Variants in SIDT1 observed in about 807,000 individuals in gnomAD.
SIDT1 encodes SID1 transmembrane family member 1.
Under a neutral mutation model 107.5 loss-of-function variants are expected in SIDT1, and 101 were observed. That is an observed-to-expected ratio of 0.94 (90% CI 0.80 to 1.11). The LOEUF is 1.11. Ranked by LOEUF, SIDT1 falls within the 50% of genes least tolerant of loss-of-function variation. The pLI, the probability that SIDT1 is intolerant of heterozygous loss-of-function variation, is 0.00. For missense variants in SIDT1, 1,076 were observed against 1,058.2 expected (o/e 1.02, Z -0.23); for synonymous variants, 395 against 398.2 (o/e 0.99, Z 0.10).
At position 113,558,751 on chromosome 3, in the gene SIDT1, TTG is replaced by T. The variant is rs141860443; in HGVS notation, c.223-7665_223-7664del. 1.2e-3 allele frequency among the ~76,000 whole-genome samples: 180 copies of T among 152,340 alleles called. 1 individual carries two copies. The highest frequency in any genetic ancestry group is 4.2e-3 in the African/African-American group (173 of 41,576). ...ATTGTTTGTTTCCAACCCAGGAGAC[TTG>T]TGTCTTCTCCCAGTATCGATGACGC... is the stretch of plus-strand genomic sequence containing the variant. On this transcript the variant is annotated intron_variant, in intron 1 of 24. Coordinates refer to ENST00000264852, the MANE Select transcript of SIDT1 (RefSeq NM_017699.3).
chr3:113,536,777 G>T (rs1303689949), intron 1 of SIDT1, among the ~76,000 whole-genome samples: 3 of 152,262 alleles, frequency 2.0e-5, no homozygotes, highest in Non-Finnish European at 4.4e-5. Flanking sequence ...TGGAATGACT[G>T]CTTCAAATAA....
chr3:113,548,118 A>C (rs958893319), intron 1 of SIDT1, among the ~76,000 whole-genome samples: 1 of 152,068 alleles, frequency 6.6e-6, no homozygotes, highest in African/African-American at 2.4e-5. Context: ...AAGTATTTTG[A>C]CTTAATTTGC....
At chr3:113,563,949 T>A (rs779055157) in intron 1 of SIDT1, among the ~76,000 whole-genome samples, 2 of 152,136 alleles carry the variant, frequency 1.3e-5, no homozygotes, top group Non-Finnish European at 2.9e-5. Context: ...TTCTTTTTTT[T>A]TTGTTTTGTT....
intron 23 of SIDT1, 108 bp downstream of exon 23, chr3:113,623,841 T>C: frequency 1.4e-6 from 1 of 724,324 alleles, no homozygotes. Context: ...AAAATGAAAG[T>C]TTTCTCTACC....
chr3:113,534,624 C>T (rs965806235), intron 1 of SIDT1, among the ~76,000 whole-genome samples: 4 of 152,200 alleles, frequency 2.6e-5, no homozygotes, highest in Admixed American at 2.0e-4. Flanking sequence ...GACTGGTTGA[C>T]ATGTTGCACG....
At position 113,566,433 on chromosome 3, in the gene SIDT1, G is replaced by C; in HGVS notation, c.236G>C (p.Arg79Thr). The C allele has an allele frequency of 6.2e-7, 1 of 1,614,106 alleles. No individual in the cohort carries two copies. Among genetic ancestry groups the C allele is most frequent in the East Asian group, 2.2e-5 (1 of 44,884 alleles). The part of the protein sequence containing the change: ...TSQPDQVTAV[R>T]VYVNSSSENL... Reference sequence around the variant, plus strand: ...CCTGCCATGCAGGTGACAGCCGTGAGGGTGTATGTGAACAGTTCCTCTGAG... The same window carrying C: ...CCTGCCATGCAGGTGACAGCCGTGACGGTGTATGTGAACAGTTCCTCTGAG... The change falls in exon 2 of 25, where the codon AGG (arginine) becomes ACG (threonine). Residue 79 changes from arginine (R) to threonine (T), a missense_variant. Physicochemically the swap from Arg to Thr is moderately conservative, Grantham distance 71. Transcript: ENST00000264852.
chr3:113,622,594 T>C (rs1946544650), intron 21 of SIDT1, among the ~76,000 whole-genome samples: 1 of 151,972 alleles, frequency 6.6e-6, no homozygotes, highest in African/African-American at 2.4e-5. Context: ...CAAAATTAAC[T>C]TTAGCATTAA....
chr3:113,583,312 C>T (rs988037704), intron 6 of SIDT1, 97 bp from the exon 7 acceptor site: 1 of 826,562 alleles, frequency 1.2e-6, no homozygotes, highest in Non-Finnish European at 1.9e-6. Context: ...CTTTATTTTC[C>T]TTCTCTTTCC....
At chr3:113,624,877 T>G (rs1946737136) in intron 23 of SIDT1, among the ~76,000 whole-genome samples, 1 of 152,234 alleles carries the variant, frequency 6.6e-6, no homozygotes, top group Non-Finnish European at 1.5e-5. Flanking sequence ...TTTTATTCTT[T>G]TTTATGGCTG....
chr3:113,627,324 C>A (rs1946924408), intron 24 of SIDT1, among the ~76,000 whole-genome samples: 1 of 152,190 alleles, frequency 6.6e-6, no homozygotes, highest in Non-Finnish European at 1.5e-5. Flanking sequence ...ATATTTTACT[C>A]ATGTATTTGT....
Position 113,581,420 on chromosome 3 carries a change from C to G in SIDT1, c.723C>G (p.Thr241=), listed in dbSNP as rs1576840859. 6.2e-7 allele frequency: 1 copy of G among 1,613,958 alleles called. No homozygotes were observed. The highest frequency in any genetic ancestry group is 2.2e-5 in the East Asian group (1 of 44,866). Residue 241 remains threonine, a synonymous_variant, in exon 6 of 25, where the codon ACC becomes ACG. Transcript: ENST00000264852. ...VEFNGVYQSM[T]KKAAITLQKK... is the part of the protein sequence containing the mutation. ...TTAATGGTGTCTATCAGTCCATGACCAAGAAAGCTGCCATCACGCTACAGG... is the reference window on the plus strand; with the variant it reads ...TTAATGGTGTCTATCAGTCCATGACGAAGAAAGCTGCCATCACGCTACAGG...
intron 1 of SIDT1, among the ~76,000 whole-genome samples, chr3:113,545,965 A>G (rs1326930901): frequency 2.6e-5 from 4 of 152,244 alleles, no homozygotes; most frequent in African/African-American, 9.6e-5. Context: ...GGAGATTTTA[A>G]TGCTGTCTTC....
At position 113,604,770 on chromosome 3, in the gene SIDT1, A is replaced by G. The variant is rs73854501; in HGVS notation, c.1338-140A>G. ...AGGGGAGAGGACAACTGGAGAAACA[A>G]GAACCACATAATCAGCTTCTGGTTA... On this transcript the variant is annotated intron_variant, in intron 13 of 24. Coordinates refer to ENST00000264852, the MANE Select transcript of SIDT1 (RefSeq NM_017699.3). 3.4e-3 allele frequency: 2,924 copies of G among 869,406 alleles called. 60 individuals carry two copies. The African/African-American group carries it at 0.043, about 13-fold the overall frequency. The allele number at this position is 869,406 out of a possible 1,614,324, so 53.9% of individuals were successfully genotyped here. A position where few individuals can be genotyped will look rare whatever the true frequency, so the allele number is the denominator to read the frequency against.
At chr3:113,571,387 A>T (rs574325369) in intron 3 of SIDT1, among the ~76,000 whole-genome samples, 2 of 152,314 alleles carry the variant, frequency 1.3e-5, no homozygotes, top group South Asian at 4.1e-4. Flanking sequence ...ACTGCACTCT[A>T]GGCTGAGCAA....
intron 2 of SIDT1, among the ~76,000 whole-genome samples, chr3:113,566,777 A>G (rs562308719): frequency 2.4e-4 from 36 of 152,168 alleles, no homozygotes; most frequent in Non-Finnish European, 5.1e-4. Context: ...TTACCATTTT[A>G]AAAACATACC....
intron 21 of SIDT1, 22 bp downstream of exon 21, chr3:113,619,748 T>C (rs1266999225): frequency 6.2e-7 from 1 of 1,611,150 alleles, no homozygotes; most frequent in Non-Finnish European, 8.5e-7. Context: ...TATGAAAACA[T>C]GTTTTTGCCT....
Position 113,627,848 on chromosome 3 carries a change from A to T in SIDT1, c.*140A>T. 1.4e-6 allele frequency: 1 copy of T among 740,634 alleles called. No individual in the cohort carries two copies. Among genetic ancestry groups the T allele is most frequent in the East Asian group, 2.6e-5 (1 of 38,700 alleles). The allele number at this position is 740,634 out of a possible 1,614,324, so 45.9% of individuals were successfully genotyped here. ...CCAACTCTGCATTCACACAGGAAGG[A>T]GAGGGGCTGCGGGAGATTTAAACCT... On this transcript the variant is annotated 3_prime_UTR_variant, in exon 25 of 25. Coordinates refer to ENST00000264852, the MANE Select transcript of SIDT1 (RefSeq NM_017699.3).
At chr3:113,552,402 G>A (rs992276772) in intron 1 of SIDT1, among the ~76,000 whole-genome samples, 4 of 152,166 alleles carry the variant, frequency 2.6e-5, no homozygotes, top group Non-Finnish European at 5.9e-5. Flanking sequence ...TGGCTGTGAG[G>A]TGTGAGTGAC....
At chr3:113,548,309 A>G (rs79641488) in intron 1 of SIDT1, among the ~76,000 whole-genome samples, 4,290 of 152,196 alleles carry the variant, frequency 0.028, 108 homozygotes, top group East Asian at 0.095. Flanking sequence ...GAAATACATA[A>G]TGTTGTGTAT....
Sources: allele counts gnomAD v4.1 joint callset (sites outside exome capture counted in the v4.1 genomes callset), GRCh38; gene constraint gnomAD v4.1.1; transcripts MANE v1.5; gene names NCBI Gene and HGNC (gene_info 2026-07-23, HGNC 2026-07-21).